Variants in SBF2 observed in about 807,000 individuals in gnomAD.
SBF2 encodes the protein myotubularin-related protein 13.
In SBF2, 112 loss-of-function variants were observed where a neutral mutation model predicts 225.2. That is an observed-to-expected ratio of 0.50 (90% confidence interval 0.43 to 0.58). The LOEUF (loss-of-function observed/expected upper bound fraction) is 0.58. Ranked by LOEUF, SBF2 falls within the 20% of genes least tolerant of loss-of-function variation. The probability of loss-of-function intolerance (pLI) is 0.00; values close to 1 mark genes in which losing one functional copy is unlikely to be tolerated. For synonymous variants in SBF2, 763 were observed against 773.3 expected, an observed-to-expected ratio of 0.99 and a Z score of 0.22; for missense variants, 1,996 against 2,206.2, an observed-to-expected ratio of 0.90 and a Z score of 1.91.
At chr11:10,199,396 A>G (rs1443079314) in intron 1 of SBF2, among the ~76,000 whole-genome samples, 1 of 152,110 alleles carries the variant, frequency 6.6e-6, no homozygotes, top group Non-Finnish European at 1.5e-5. Flanking sequence ...AAGCTTGAAA[A>G]CTTGTGAGAT....
chr11:9,828,010 G>T, intron 28 of SBF2: 1 of 514,376 alleles, frequency 1.9e-6, no homozygotes, highest in Non-Finnish European at 3.1e-6. Context: ...TCAGAAGAGG[G>T]TAATTAAGAA....
At chr11:10,298,774 T>G (rs1311810566), upstream of SBF2, among the ~76,000 whole-genome samples, 1 of 152,226 alleles carries the variant, frequency 6.6e-6, no homozygotes, top group Admixed American at 6.5e-5. Context: ...TCAGTCCTAT[T>G]GTTCCTACTT....
chr11:10,012,305 T>C (rs1948488535), intron 6 of SBF2, among the ~76,000 whole-genome samples: 1 of 152,118 alleles, frequency 6.6e-6, no homozygotes, highest in South Asian at 2.1e-4. Flanking sequence ...CCATCACACC[T>C]GGCTAGTTTT....
chr11:10,057,257 C>A (rs1429664440), intron 2 of SBF2, among the ~76,000 whole-genome samples: 1 of 152,186 alleles, frequency 6.6e-6, no homozygotes, highest in Non-Finnish European at 1.5e-5. Context: ...CCTGAGCCTC[C>A]AGCCACCCCC....
intron 1 of SBF2, among the ~76,000 whole-genome samples, chr11:10,221,512 C>T (rs60051250): frequency 0.036 from 5,428 of 152,186 alleles, 266 homozygotes; most frequent in African/African-American, 0.11. Flanking sequence ...CTAATTTATG[C>T]ATCATACAGC....
chr11:9,863,295 G>A (rs1447542548), intron 17 of SBF2, among the ~76,000 whole-genome samples: 1 of 152,174 alleles, frequency 6.6e-6, no homozygotes, highest in Admixed American at 6.6e-5. Context: ...CAGCATGAGG[G>A]GCCTGTTGAA....
intron 1 of SBF2, among the ~76,000 whole-genome samples, chr11:10,206,558 G>A (rs1243810650): frequency 1.3e-5 from 2 of 151,962 alleles, no homozygotes; most frequent in African/African-American, 2.4e-5. Flanking sequence ...AGAATTATCT[G>A]CAAAGATTTT....
chr11:10,201,120 C>A (rs185922684), intron 1 of SBF2, among the ~76,000 whole-genome samples: 3 of 152,102 alleles, frequency 2.0e-5, no homozygotes, highest in African/African-American at 7.2e-5. Flanking sequence ...CTAAAGCAAA[C>A]GCACAGCACT....
At chr11:9,937,592 A>T (rs572947488) in intron 16 of SBF2, among the ~76,000 whole-genome samples, 1 of 152,334 alleles carries the variant, frequency 6.6e-6, no homozygotes, top group African/African-American at 2.4e-5. Flanking sequence ...TTTTTATTTA[A>T]CATTGTCTTG....
chr11:10,196,866 A>ATATATATTTTTT, intron 1 of SBF2, among the ~76,000 whole-genome samples: 33 of 99,312 alleles, frequency 3.3e-4, no homozygotes, highest in African/African-American at 1.2e-3. Flanking sequence ...ATATATATAT[A>ATATATATTTTTT]TTTTTTTTTT....
chr11:10,065,901 C>G (rs563353531), intron 2 of SBF2, among the ~76,000 whole-genome samples: 32 of 152,216 alleles, frequency 2.1e-4, no homozygotes, highest in African/African-American at 7.5e-4. Context: ...GAGCCAAGAT[C>G]GCGCCATTGC....
At chr11:10,286,697 A>T (rs1456157465) in intron 1 of SBF2, among the ~76,000 whole-genome samples, 4 of 152,160 alleles carry the variant, frequency 2.6e-5, no homozygotes, top group African/African-American at 9.7e-5. Flanking sequence ...TAGTGAAGGC[A>T]AGTTTATTAG....
At chr11:9,991,972 AG>A (rs1336726921) in intron 12 of SBF2, among the ~76,000 whole-genome samples, 10 of 152,186 alleles carry the variant, frequency 6.6e-5, no homozygotes, top group Non-Finnish European at 1.5e-4. Flanking sequence ...TTACTGTATT[AG>A]GGCCTTTAAA....
At chr11:9,967,511 C>T (rs184507636) in intron 14 of SBF2, among the ~76,000 whole-genome samples, 125 of 152,058 alleles carry the variant, frequency 8.2e-4, no homozygotes, top group African/African-American at 2.8e-3. Context: ...GTCCAGAATA[C>T]GTAAAGCTAT....
chr11:9,973,528 T>A (rs1269210495), intron 13 of SBF2, among the ~76,000 whole-genome samples: 2 of 152,208 alleles, frequency 1.3e-5, no homozygotes, highest in Admixed American at 6.5e-5. Context: ...CATTTTGAAT[T>A]TGGATAATGA....
chr11:9,803,972 G>C (rs1337026483), intron 32 of SBF2, among the ~76,000 whole-genome samples: 1 of 152,182 alleles, frequency 6.6e-6, no homozygotes, highest in Non-Finnish European at 1.5e-5. Context: ...AAGGCTCAGG[G>C]CACAGAGGCC....
chr11:10,094,311 G>A lies in SBF2; in HGVS notation c.142-51330C>T, dbSNP rs548346524. Among the ~76,000 whole-genome samples the A allele has an allele frequency of 6.6e-5, 10 of 152,032 alleles. No individual in the cohort carries two copies. In the South Asian group the frequency reaches 1.2e-3, roughly 19 times the overall value. ...GCACTCCAGCCTGGGCAACAAGAAC[G>A]AAACTCCATCTCAAAAAATATATGT... On this transcript the variant is annotated intron_variant, in intron 2 of 39. Transcript: ENST00000256190.
chr11:9,807,854 A>G (rs1853938891), intron 32 of SBF2, 146 bp downstream of exon 32: 4 of 774,622 alleles, frequency 5.2e-6, no homozygotes, highest in East Asian at 5.3e-5. Context: ...CTAGGAGTCT[A>G]CTGCTAAGAT....
At chr11:10,117,949 C>CT (rs1285114600) in intron 2 of SBF2, among the ~76,000 whole-genome samples, 1 of 152,150 alleles carries the variant, frequency 6.6e-6, no homozygotes, top group Non-Finnish European at 1.5e-5. Flanking sequence ...TGAAAAGAAT[C>CT]TTGGCAGTTT....
Sources: gnomAD v4.1 joint callset for allele counts (sites outside exome capture counted in the v4.1 genomes callset) on GRCh38, gnomAD v4.1.1 for gene constraint, MANE v1.5 for transcripts, NCBI Gene and HGNC (gene_info 2026-07-23, HGNC 2026-07-21) for gene names.